Variants in GPHN observed in about 807,000 individuals in gnomAD.
The protein encoded by GPHN is gephyrin.
GPHN carries 17 observed loss-of-function variants against 95.5 expected under a neutral mutation model. The observed-to-expected ratio is 0.18, with a 90% CI of 0.12 to 0.27. GPHN has a LOEUF of 0.27. GPHN is among the 10% of genes least tolerant of loss of function. The pLI is 1.00. For missense variants in GPHN, 660 were observed against 978.1 expected (o/e 0.67, Z 4.34); for synonymous variants, 320 against 322.5 (o/e 0.99, Z 0.08).
At chr14:67,045,577 GTCTCAGTGTCTGTCTGTC>G (rs1296026587) in intron 10 of GPHN, among the ~76,000 whole-genome samples, 2 of 144,958 alleles carry the variant, frequency 1.4e-5, no homozygotes, top group African/African-American at 5.2e-5. Flanking sequence ...CTCCCCCTCT[GTCTCAGTGTCTGTCTGTC>G]TCTCTGTCTC....
intron 3 of GPHN, among the ~76,000 whole-genome samples, chr14:66,804,421 C>A (rs1197739098): frequency 1.3e-5 from 2 of 152,180 alleles, no homozygotes; most frequent in African/African-American, 4.8e-5. Flanking sequence ...TTATTATGAA[C>A]AATGCAAAAG....
At chr14:66,541,631 ATGG>A (rs2059356793) in intron 1 of GPHN, among the ~76,000 whole-genome samples, 1 of 152,210 alleles carries the variant, frequency 6.6e-6, no homozygotes, top group African/African-American at 2.4e-5. Flanking sequence ...TTTTGTACAA[ATGG>A]TGGGATATGG....
In GPHN at chr14:66,961,937, TATATATATATAC is replaced by T. The variant is rs1439789583; in HGVS notation, c.829-3252_829-3241del. Reference sequence around the variant, plus strand: ...ATATATATATATATATATATATATATATATATATATACACATATCTCCCAGAAATTTACTCAC... The same window carrying T: ...ATATATATATATATATATATATATATACATATCTCCCAGAAATTTACTCAC... On this transcript the variant is annotated intron_variant, in intron 8 of 22. Coordinates refer to ENST00000478722, the MANE Select transcript of GPHN (RefSeq NM_020806.5). Among the ~76,000 whole-genome samples, 126 of 79,766 alleles carry T rather than the reference TATATATATATAC, an allele frequency of 1.6e-3. 1 individual carries two copies. Among genetic ancestry groups the T allele is most frequent in the African/African-American group, 8.3e-3 (77 of 9,242 alleles). The allele number at this position is 79,766 out of a possible 152,430, so 52.3% of individuals were successfully genotyped here.
chr14:67,393,712 C>T, the GPHN span, among the ~76,000 whole-genome samples: 5 of 152,046 alleles, frequency 3.3e-5, no homozygotes, highest in East Asian at 1.9e-4. Flanking sequence ...CCTCAGCCTC[C>T]GAAAGTACTG....
chr14:67,539,728 G>A, the GPHN span, among the ~76,000 whole-genome samples: 2 of 152,092 alleles, frequency 1.3e-5, no homozygotes, highest in Non-Finnish European at 2.9e-5. Flanking sequence ...CAAGGAATTT[G>A]GGACCAGAAT....
chr14:66,574,944 C>G (rs944853618), intron 1 of GPHN, among the ~76,000 whole-genome samples: 3 of 152,182 alleles, frequency 2.0e-5, no homozygotes, highest in Non-Finnish European at 2.9e-5. Context: ...ATGTTACCAG[C>G]ATAGAGTCTG....
chr14:67,149,330 G>A (rs911526751), intron 18 of GPHN, among the ~76,000 whole-genome samples: 1 of 152,222 alleles, frequency 6.6e-6, no homozygotes, highest in African/African-American at 2.4e-5. Context: ...GGCAACAAGA[G>A]TGAGACTCTG....
At chr14:66,963,351 G>T (rs541180784) in intron 8 of GPHN, among the ~76,000 whole-genome samples, 16 of 151,944 alleles carry the variant, frequency 1.1e-4, no homozygotes, top group Non-Finnish European at 1.9e-4. Flanking sequence ...TAAGTCTGGA[G>T]ATATATATCA....
chr14:67,051,161 G>T (rs2075289968), intron 10 of GPHN, among the ~76,000 whole-genome samples: 2 of 152,044 alleles, frequency 1.3e-5, no homozygotes, highest in South Asian at 4.2e-4. Flanking sequence ...GGGAGGAGTG[G>T]CTGCCATCAC....
chr14:66,725,246 G>T (rs1742295787), intron 2 of GPHN, among the ~76,000 whole-genome samples: 1 of 152,202 alleles, frequency 6.6e-6, no homozygotes, highest in African/African-American at 2.4e-5. Context: ...TTTTATTACA[G>T]CAGCCCTACC....
intron 8 of GPHN, among the ~76,000 whole-genome samples, chr14:66,937,704 T>C (rs1163982443): frequency 1.3e-5 from 2 of 152,142 alleles, no homozygotes; most frequent in African/African-American, 2.4e-5. Flanking sequence ...CCAGATATCC[T>C]CCTTAAGTTT....
At chr14:66,577,160 C>T (rs190856359) in intron 1 of GPHN, among the ~76,000 whole-genome samples, 2 of 152,248 alleles carry the variant, frequency 1.3e-5, no homozygotes, top group Admixed American at 6.5e-5. Context: ...CTAACTAACT[C>T]CCAGATGCTG....
At chr14:67,049,650 C>G (rs888649034) in intron 10 of GPHN, among the ~76,000 whole-genome samples, 9 of 151,606 alleles carry the variant, frequency 5.9e-5, no homozygotes, top group African/African-American at 2.2e-4. Flanking sequence ...GTAGCTGGGA[C>G]TACAGGCATG....
chr14:67,396,711 G>A, the GPHN span, among the ~76,000 whole-genome samples: 2 of 152,216 alleles, frequency 1.3e-5, no homozygotes, highest in Non-Finnish European at 2.9e-5. Context: ...CTGAAGCGTT[G>A]CCTGACCCAG....
chr14:66,518,183 A>G (rs1423842935), intron 1 of GPHN, among the ~76,000 whole-genome samples: 1 of 152,200 alleles, frequency 6.6e-6, no homozygotes, highest in Non-Finnish European at 1.5e-5. Flanking sequence ...TTAAAAAAAG[A>G]TGGGATATTT....
intron 2 of GPHN, among the ~76,000 whole-genome samples, chr14:66,762,971 T>C (rs1369417153): frequency 6.6e-6 from 1 of 152,188 alleles, no homozygotes; most frequent in South Asian, 2.1e-4. Flanking sequence ...ATTATTTTGG[T>C]CTTTAAGTCA....
At chr14:66,976,589 C>A (rs892881748) in intron 9 of GPHN, among the ~76,000 whole-genome samples, 1 of 152,032 alleles carries the variant, frequency 6.6e-6, no homozygotes, top group Non-Finnish European at 1.5e-5. Flanking sequence ...GGATTATCTC[C>A]CTACTCATTC....
chr14:67,141,560 C>T (rs1287931662), intron 17 of GPHN, among the ~76,000 whole-genome samples: 1 of 152,088 alleles, frequency 6.6e-6, no homozygotes, highest in African/African-American at 2.4e-5. Context: ...CATAACAACC[C>T]TATTATGGCT....
the GPHN span, among the ~76,000 whole-genome samples, chr14:67,422,470 C>T: frequency 9.2e-5 from 14 of 152,178 alleles, no homozygotes; most frequent in African/African-American, 2.2e-4. Context: ...CGCAACTCAC[C>T]GTGATGCCTG....
Sources: gnomAD v4.1 joint callset for allele counts (sites outside exome capture counted in the v4.1 genomes callset) on GRCh38, gnomAD v4.1.1 for gene constraint, MANE v1.5 for transcripts, NCBI Gene and HGNC (gene_info 2026-07-23, HGNC 2026-07-21) for gene names.